The following NIT2 variants were observed in gnomAD, a reference collection of about 807,000 sequenced individuals.
The protein encoded by NIT2 is nitrilase family member 2.
Under a neutral mutation model 42.7 loss-of-function variants are expected in NIT2, and 46 were observed. The ratio of observed to expected loss-of-function variants is 1.08; its 90% CI spans 0.85 to 1.38. The LOEUF is 1.38. Among genes scored for constraint, NIT2 ranks in the 40% most tolerant of loss-of-function variants. The pLI is 0.00. For missense variants in NIT2, 309 were observed against 342.5 expected (o/e 0.90, Z 0.77); for synonymous variants, 123 against 121.9 (o/e 1.01, Z -0.06).
intron 1 of NIT2, chr3:100,335,023 C>T (rs1483419321): frequency 1.8e-6 from 1 of 542,948 alleles, no homozygotes; most frequent in African/African-American, 2.0e-5. Context: ...GCCCAGAAAG[C>T]ACCAGGCCAC....
chr3:100,335,303 C>T (rs1055607211), intron 1 of NIT2, among the ~76,000 whole-genome samples: 1 of 152,186 alleles, frequency 6.6e-6, no homozygotes, highest in Non-Finnish European at 1.5e-5. Flanking sequence ...TCCCCTGTTT[C>T]TTTATTTGTA....
At chr3:100,336,992 G>A (rs889600075) in intron 1 of NIT2, among the ~76,000 whole-genome samples, 11 of 152,190 alleles carry the variant, frequency 7.2e-5, no homozygotes, top group Middle Eastern at 3.2e-3. Context: ...AGGTCCCTGC[G>A]GCCTTCCGCA....
intron 9 of NIT2, 133 bp from the exon 10 acceptor site, chr3:100,355,043 TG>T (rs1706312620): frequency 1.4e-6 from 1 of 729,382 alleles, no homozygotes; most frequent in African/African-American, 1.8e-5. Context: ...CCAGGCCATC[TG>T]TGCACCTAGA....
intron 7 of NIT2, among the ~76,000 whole-genome samples, chr3:100,350,204 G>T (rs1164506893): frequency 1.3e-5 from 2 of 152,086 alleles, no homozygotes; most frequent in African/African-American, 4.8e-5. Flanking sequence ...TTGCATGGTG[G>T]AAGATGGGGG....
rs1706357324 is a variant in NIT2, at chr3:100,359,636, G to A, written c.*4368G>A. ...CACCACTTAACATTGTCCCTTAGAT[G>A]TTAAAGGCCCTTATATTAATAGTTT... On this transcript the variant is annotated 3_prime_UTR_variant, in exon 10 of 10. Coordinates refer to ENST00000394140, the MANE Select transcript of NIT2 (RefSeq NM_020202.5). 6.6e-6 allele frequency: 1 copy of A among 152,144 alleles called. No homozygotes were observed. The highest frequency in any genetic ancestry group is 2.4e-5 in the African/African-American group (1 of 41,420). 9.4% of individuals were successfully genotyped at this position (152,144 alleles called of 1,614,324 possible).
rs1706328875 is a variant in NIT2 at position 100,356,795 on chromosome 3, T to A, written c.*1527T>A. ...TATTATAATCCCTCTGGCTAGTCCT[T>A]TGTCAATCACTGATAAATTTTATTA... On this transcript the variant is annotated 3_prime_UTR_variant, in exon 10 of 10. Transcript: ENST00000394140. 6.6e-6 allele frequency: 1 copy of A among 152,210 alleles called. No individual in the cohort carries two copies. The highest frequency in any genetic ancestry group is 1.5e-5 in the Non-Finnish European group (1 of 68,032). 9.4% of individuals were successfully genotyped at this position (152,210 alleles called of 1,614,324 possible). A position where few individuals can be genotyped will look rare whatever the true frequency, so the allele number is the denominator to read the frequency against.
At chr3:100,353,365 TTC>T (rs1190686807) in intron 8 of NIT2, among the ~76,000 whole-genome samples, 1 of 152,152 alleles carries the variant, frequency 6.6e-6, no homozygotes, top group Non-Finnish European at 1.5e-5. Flanking sequence ...TTCCTGAGGG[TTC>T]TGTCTTCTGC....
chr3:100,346,458 G>A (rs1014387856), intron 6 of NIT2, among the ~76,000 whole-genome samples: 1 of 152,158 alleles, frequency 6.6e-6, no homozygotes, highest in African/African-American at 2.4e-5. Flanking sequence ...AACACATCAT[G>A]TAGCTAAGGT....
In NIT2 at chr3:100,352,455, C is replaced by A; in HGVS notation, c.636C>A (p.Asp212Glu). Residue 212 changes from aspartate (D) to glutamate (E), a missense_variant, in exon 8 of 10, where the codon GAC becomes GAA. Physicochemically the swap from Asp to Glu is conservative, Grantham distance 45. Transcript: ENST00000394140. ...YVATASPARDDKASYVAWGHS... is the reference protein window; with the variant it reads ...YVATASPARDEKASYVAWGHS... ...CCACAGCCTCTCCTGCCCGGGATGA[C>A]AAAGCCTCCTATGTTGCCTGGGGAC... is the stretch of plus-strand genomic sequence containing the variant. The A allele has an allele frequency of 6.2e-7, 1 of 1,613,640 alleles. No individual in the cohort carries two copies.
chr3:100,360,059 A>G lies in NIT2; in HGVS notation c.*4791A>G, dbSNP rs1379679482. The stretch of plus-strand genomic sequence containing the variant: ...CAAAACTCAGTTTTTGAGCTCCTCT[A>G]TGTTCATCTTTTTATGGCTAACCCT... On this transcript the variant is annotated 3_prime_UTR_variant, in exon 10 of 10. Coordinates refer to ENST00000394140, the MANE Select transcript of NIT2 (RefSeq NM_020202.5). The G allele has an allele frequency of 1.3e-5, 2 of 152,226 alleles. No homozygotes were observed. Among genetic ancestry groups the G allele is most frequent in the African/African-American group, 4.8e-5 (2 of 41,512 alleles). 9.4% of individuals were successfully genotyped at this position (152,226 alleles called of 1,614,324 possible). A position where few individuals can be genotyped will look rare whatever the true frequency, so the allele number is the denominator to read the frequency against.
chr3:100,345,879 G>C (rs1576201083), intron 5 of NIT2: 1 of 603,342 alleles, frequency 1.7e-6, no homozygotes, highest in East Asian at 2.8e-5. Flanking sequence ...CCTTTGATTT[G>C]ATTGTAGCTT....
chr3:100,337,774 A>G (rs1035918051), intron 1 of NIT2, among the ~76,000 whole-genome samples: 4 of 152,196 alleles, frequency 2.6e-5, no homozygotes, highest in Non-Finnish European at 4.4e-5. Context: ...ATAAAAAATT[A>G]TTATCTGGCC....
chr3:100,343,895 A>G (rs2148882266), intron 4 of NIT2, among the ~76,000 whole-genome samples: 1 of 152,374 alleles, frequency 6.6e-6, no homozygotes, highest in East Asian at 1.9e-4. Flanking sequence ...TAGAGATTCA[A>G]GATGCTATTA....
intron 7 of NIT2, chr3:100,349,194 GC>G: frequency 5.5e-6 from 1 of 182,674 alleles, no homozygotes; most frequent in Non-Finnish European, 1.1e-5. Flanking sequence ...GCTCATTACA[GC>G]CTTGAAATCC....
At chr3:100,339,542 T>G (rs530660155) in intron 2 of NIT2, among the ~76,000 whole-genome samples, 35 of 152,288 alleles carry the variant, frequency 2.3e-4, no homozygotes, top group African/African-American at 8.2e-4. Flanking sequence ...CAGAACATAT[T>G]GGTTTTAGCA....
Position 100,356,257 on chromosome 3 carries a change from C to T in NIT2, c.*989C>T, listed in dbSNP as rs1706324261. ...CATGGGCCAGTAATTGTTGAACAAC[C>T]AGCTATTTGAGAAAAAGCCCTGATT... On this transcript the variant is annotated 3_prime_UTR_variant, in exon 10 of 10. Coordinates refer to ENST00000394140, the MANE Select transcript of NIT2 (RefSeq NM_020202.5). 6.6e-6 allele frequency: 1 copy of T among 152,170 alleles called. No homozygotes were observed. The highest frequency in any genetic ancestry group is 2.4e-5 in the African/African-American group (1 of 41,430). The allele number at this position is 152,170 out of a possible 1,614,324, so 9.4% of individuals were successfully genotyped here. A position where few individuals can be genotyped will look rare whatever the true frequency, so the allele number is the denominator to read the frequency against.
rs540778263 is a variant in NIT2, at chr3:100,351,912, G to T, written c.585-492G>T. On this transcript the variant is annotated intron_variant, in intron 7 of 9. Coordinates refer to ENST00000394140, the MANE Select transcript of NIT2 (RefSeq NM_020202.5). ...ACAATGAACTCCAACAAATTTACAA[G>T]AAAAAAACAAACAACCCCATCAAAA... 1.3e-4 allele frequency among the ~76,000 whole-genome samples: 19 copies of T among 151,770 alleles called. No homozygotes were observed. In the East Asian group the frequency reaches 3.7e-3, roughly 29 times the overall value.
intron 7 of NIT2, 59 bp downstream of exon 7, chr3:100,348,940 C>T (rs565560292): frequency 2.0e-5 from 30 of 1,493,606 alleles, no homozygotes; most frequent in South Asian, 1.6e-4. Flanking sequence ...GAAAGATTTC[C>T]GGTTGGGTGG....
intron 3 of NIT2, among the ~76,000 whole-genome samples, chr3:100,340,214 G>A (rs1344739668): frequency 3.9e-5 from 6 of 152,186 alleles, no homozygotes; most frequent in African/African-American, 1.2e-4. Flanking sequence ...GCAGGTGTGC[G>A]CCACCATGCC....
Sources: allele counts gnomAD v4.1 joint callset (sites outside exome capture counted in the v4.1 genomes callset), GRCh38; gene constraint gnomAD v4.1.1; transcripts MANE v1.5; gene names NCBI Gene and HGNC (gene_info 2026-07-23, HGNC 2026-07-21).